ZFAND6: variants seen among roughly 807,000 people sequenced by gnomAD.
ZFAND6 encodes AN1-type zinc finger protein 6.
Under a neutral mutation model 24.5 loss-of-function variants are expected in ZFAND6, and 12 were observed. The observed-to-expected ratio is 0.49, with a 90% CI of 0.31 to 0.79. ZFAND6 has a LOEUF of 0.79. Among genes scored for constraint, ZFAND6 ranks in the 30% least tolerant of loss-of-function variants. The pLI is 0.04. For missense variants in ZFAND6, 207 were observed against 245.9 expected (o/e 0.84, Z 1.06); for synonymous variants, 92 against 81.5 (o/e 1.13, Z -0.69).
At chr15:80,091,134 T>A (rs1237620392) in intron 1 of ZFAND6, among the ~76,000 whole-genome samples, 1 of 151,004 alleles carries the variant, frequency 6.6e-6, no homozygotes, top group African/African-American at 2.4e-5. Context: ...TTCATTAGTA[T>A]CATATTTTCT....
intron 2 of ZFAND6, among the ~76,000 whole-genome samples, chr15:80,110,636 A>C: frequency 6.6e-6 from 1 of 152,096 alleles, no homozygotes; most frequent in East Asian, 1.9e-4. Context: ...AATTTAGAAT[A>C]GGATAGAGAA....
At chr15:80,067,405 G>GAT (rs2036708113) in intron 1 of ZFAND6, among the ~76,000 whole-genome samples, 1 of 151,978 alleles carries the variant, frequency 6.6e-6, no homozygotes, top group African/African-American at 2.4e-5. Context: ...ATCCTTCCTT[G>GAT]ATGCCACAAA....
At chr15:80,109,408 A>G (rs2039496675) in intron 2 of ZFAND6, among the ~76,000 whole-genome samples, 1 of 152,214 alleles carries the variant, frequency 6.6e-6, no homozygotes, top group South Asian at 2.1e-4. Context: ...AATTTTAAAT[A>G]AGTGGCAAGG....
intron 5 of ZFAND6, chr15:80,130,925 T>A (rs1379790716): frequency 5.3e-6 from 2 of 375,244 alleles, no homozygotes; most frequent in Non-Finnish European, 9.5e-6. Flanking sequence ...GAAAGTACAG[T>A]TAAAACCTAA....
chr15:80,111,480 G>A lies in ZFAND6; in HGVS notation c.-17-8848G>A, dbSNP rs1291181439. On this transcript the variant is annotated intron_variant, in intron 2 of 6. Transcript: ENST00000261749. ...TCAATCTGAGGTTGGTGGAGTCGCC[G>A]GTAGCCACCTAAGATAGGAATGTCA... is the stretch of plus-strand genomic sequence containing the variant. The A allele has an allele frequency of 1.1e-5, 5 of 455,194 alleles. No homozygotes were observed. In the East Asian group the frequency reaches 2.8e-4, roughly 25 times the overall value. The allele number at this position is 455,194 out of a possible 1,614,324, so 28.2% of individuals were successfully genotyped here. A position where few individuals can be genotyped will look rare whatever the true frequency, so the allele number is the denominator to read the frequency against.
At chr15:80,071,106 G>A (rs1038055185) in intron 1 of ZFAND6, among the ~76,000 whole-genome samples, 11 of 152,204 alleles carry the variant, frequency 7.2e-5, no homozygotes, top group Middle Eastern at 6.8e-3. Flanking sequence ...CTTCAGCAGG[G>A]TATTGCTCCA....
At chr15:80,116,816 T>A (rs915792919) in intron 2 of ZFAND6, among the ~76,000 whole-genome samples, 3 of 152,202 alleles carry the variant, frequency 2.0e-5, no homozygotes, top group African/African-American at 7.2e-5. Flanking sequence ...TATTAATGTA[T>A]TTTATATGTG....
chr15:80,108,241 TA>T (rs2039436474), intron 2 of ZFAND6, among the ~76,000 whole-genome samples: 1 of 152,130 alleles, frequency 6.6e-6, no homozygotes, highest in South Asian at 2.1e-4. Flanking sequence ...TATTAAACTT[TA>T]AAATTAGGGA....
chr15:80,113,421 A>C (rs1470997890), intron 2 of ZFAND6, among the ~76,000 whole-genome samples: 5 of 152,190 alleles, frequency 3.3e-5, no homozygotes, highest in African/African-American at 9.7e-5. Context: ...GATTTAACTG[A>C]GGTTTGCTAG....
At chr15:80,134,383 G>A (rs2040761164) in intron 6 of ZFAND6, among the ~76,000 whole-genome samples, 1 of 152,202 alleles carries the variant, frequency 6.6e-6, no homozygotes, top group African/African-American at 2.4e-5. Context: ...CTTGCTCCCA[G>A]AGAAGCATCT....
At chr15:80,075,906 C>T (rs142082398) in intron 1 of ZFAND6, among the ~76,000 whole-genome samples, 1 of 152,070 alleles carries the variant, frequency 6.6e-6, no homozygotes, top group East Asian at 1.9e-4. Context: ...AATATAAATA[C>T]CCTGTGTCAT....
intron 1 of ZFAND6, among the ~76,000 whole-genome samples, chr15:80,097,860 A>G (rs943643704): frequency 6.6e-6 from 1 of 151,964 alleles, no homozygotes; most frequent in Admixed American, 6.6e-5. Flanking sequence ...TATGGGAACA[A>G]GGTTTTATTT....
At chr15:80,107,140 A>G (rs924647513) in intron 2 of ZFAND6, among the ~76,000 whole-genome samples, 1 of 152,192 alleles carries the variant, frequency 6.6e-6, no homozygotes, top group Non-Finnish European at 1.5e-5. Flanking sequence ...ACTTGAACCC[A>G]GGAGGCAAAG....
intron 1 of ZFAND6, 68 bp downstream of exon 1, chr15:80,059,877 C>A (rs1047945820): frequency 1.1e-4 from 17 of 151,392 alleles, no homozygotes; most frequent in African/African-American, 2.7e-4. Context: ...TCCCTTCCCC[C>A]ACCCGGCTGC....
In ZFAND6 at chr15:80,131,412, C is replaced by G. The variant is rs145194741; in HGVS notation, c.478+119C>G. The G allele has an allele frequency of 4.5e-4, 332 of 730,342 alleles. 1 individual carries two copies. The African/African-American group carries it at 5.3e-3, about 12-fold the overall frequency. 45.2% of individuals were successfully genotyped at this position (730,342 alleles called of 1,614,324 possible). On this transcript the variant is annotated intron_variant, in intron 6 of 6. Transcript: ENST00000261749. ...CCCTTGAGAGTTAATATTGGATATA[C>G]TTCACCTTCTGAATTTTCTTAAGGA...
chr15:80,094,548 C>CGTT (rs2038599559), intron 1 of ZFAND6, among the ~76,000 whole-genome samples: 1 of 151,786 alleles, frequency 6.6e-6, no homozygotes, highest in East Asian at 1.9e-4. Flanking sequence ...TAAGATTAAC[C>CGTT]CATTGTTAAC....
In ZFAND6 at chr15:80,097,508, C is replaced by T. The variant is rs370713570; in HGVS notation, c.-180-908C>T. Among the ~76,000 whole-genome samples, 12 of 151,948 alleles carry T rather than the reference C, an allele frequency of 7.9e-5. No homozygotes were observed. In the South Asian group the frequency reaches 8.3e-4, roughly 11 times the overall value. ...ACAAAAAATACAAAAATTAGCCAGG[C>T]GTGATGGTTGGGTGCCTGTAGTCCC... On this transcript the variant is annotated intron_variant, in intron 1 of 6. Transcript: ENST00000261749.
intron 2 of ZFAND6, among the ~76,000 whole-genome samples, chr15:80,118,108 A>C (rs988639652): frequency 1.3e-5 from 2 of 151,922 alleles, no homozygotes; most frequent in African/African-American, 4.8e-5. Context: ...ATAGAATCCC[A>C]GCTCCATCAC....
chr15:80,100,447 G>A (rs1315998071), intron 2 of ZFAND6, among the ~76,000 whole-genome samples: 1 of 152,194 alleles, frequency 6.6e-6, no homozygotes, highest in African/African-American at 2.4e-5. Context: ...GGGGGAAATT[G>A]TATGATAGTA....
Sources: gnomAD v4.1 joint callset for allele counts (sites outside exome capture counted in the v4.1 genomes callset) on GRCh38, gnomAD v4.1.1 for gene constraint, MANE v1.5 for transcripts, NCBI Gene and HGNC (gene_info 2026-07-23, HGNC 2026-07-21) for gene names.